The following STPG2 variants were observed in gnomAD, a reference collection of about 807,000 sequenced individuals.
STPG2 encodes the protein sperm-tail PG-rich repeat-containing protein 2.
In STPG2, 56 loss-of-function variants were observed where a neutral mutation model predicts 54.2. The observed-to-expected ratio is 1.03, with a 90% confidence interval of 0.83 to 1.29. The LOEUF is 1.29. Ranked by LOEUF, STPG2 falls within the 50% of genes most tolerant of loss-of-function variation. The pLI, the probability that STPG2 is intolerant of heterozygous loss-of-function variation, is 0.00. For synonymous variants in STPG2, 200 were observed against 181.8 expected (o/e 1.10, Z -0.81); for missense variants, 596 against 544.9 (o/e 1.09, Z -0.93).
chr4:98,022,928 T>G (rs984214594), intron 5 of STPG2, among the ~76,000 whole-genome samples: 2 of 152,152 alleles, frequency 1.3e-5, no homozygotes, highest in African/African-American at 4.8e-5. Flanking sequence ...TCTAATTTTT[T>G]TCCAAGTTTT....
intron 8 of STPG2, among the ~76,000 whole-genome samples, chr4:97,908,468 G>C (rs1311805760): frequency 6.7e-6 from 1 of 150,140 alleles, no homozygotes; most frequent in Non-Finnish European, 1.5e-5. Context: ...GATTCCTCAG[G>C]GATCTAGAAC....
chr4:97,934,148 A>G (rs183215629), intron 8 of STPG2, among the ~76,000 whole-genome samples: 1 of 152,190 alleles, frequency 6.6e-6, no homozygotes, highest in East Asian at 1.9e-4. Flanking sequence ...ATTACTCATG[A>G]TTTGGCTCTG....
rs111802182 is a variant in STPG2 at position 97,855,673 on chromosome 4, G to A, written c.1045-14741C>T. On this transcript the variant is annotated intron_variant, in intron 8 of 10. Coordinates refer to ENST00000295268, the MANE Select transcript of STPG2 (RefSeq NM_174952.3). Reference sequence around the variant, plus strand: ...GTGCAGAAGCTCTTTAGTTCAATTCGATCTCATTTGTCAGTTTTGGCTTTT... The same window carrying A: ...GTGCAGAAGCTCTTTAGTTCAATTCAATCTCATTTGTCAGTTTTGGCTTTT... Among the ~76,000 whole-genome samples, 879 of 152,134 alleles carry A rather than the reference G, an allele frequency of 5.8e-3. 6 individuals carry two copies. The highest frequency in any genetic ancestry group is 0.02 in the Middle Eastern group (6 of 294).
At position 97,969,888 on chromosome 4, in the gene STPG2, G is replaced by A. The variant is rs531408861; in HGVS notation, c.933+2392C>T. 1.2e-4 allele frequency among the ~76,000 whole-genome samples: 18 copies of A among 152,284 alleles called. No homozygotes were observed. In the South Asian group the frequency reaches 1.9e-3, roughly 16 times the overall value. On this transcript the variant is annotated intron_variant, in intron 7 of 10. Coordinates refer to ENST00000295268, the MANE Select transcript of STPG2 (RefSeq NM_174952.3). ...AGTCAAATTGCCCCTGTTTGCAGATGACATGCTTGTATATTTAGAAAACTC... is the reference window on the plus strand; with the variant it reads ...AGTCAAATTGCCCCTGTTTGCAGATAACATGCTTGTATATTTAGAAAACTC...
chr4:98,032,718 A>G (rs1736636640), intron 5 of STPG2, among the ~76,000 whole-genome samples: 1 of 152,220 alleles, frequency 6.6e-6, no homozygotes, highest in Admixed American at 6.5e-5. Flanking sequence ...GCAAATGCAA[A>G]AGAACGGAAA....
intron 1 of STPG2, among the ~76,000 whole-genome samples, chr4:98,135,900 A>G (rs566628621): frequency 6.6e-6 from 1 of 151,932 alleles, no homozygotes; most frequent in East Asian, 1.9e-4. Context: ...ATACATATAT[A>G]AATACACACA....
intron 4 of STPG2, among the ~76,000 whole-genome samples, chr4:97,453,494 G>A (rs575174840): frequency 7.9e-5 from 12 of 152,306 alleles, no homozygotes; most frequent in Non-Finnish European, 1.3e-4. Context: ...AGGCACCACC[G>A]GCCAGAGGTT....
At chr4:97,504,191 T>C (rs996563194) in intron 4 of STPG2, among the ~76,000 whole-genome samples, 27 of 146,720 alleles carry the variant, frequency 1.8e-4, no homozygotes, top group African/African-American at 6.4e-4. Context: ...TTTATTTTTA[T>C]TTAAATATTT....
intron 10 of STPG2, among the ~76,000 whole-genome samples, chr4:97,562,455 C>G (rs1732280709): frequency 6.6e-6 from 1 of 152,262 alleles, no homozygotes; most frequent in South Asian, 2.1e-4. Flanking sequence ...CCTAATTGCC[C>G]TGGCCAGAAC....
At chr4:97,881,115 C>T (rs1344320407) in intron 8 of STPG2, among the ~76,000 whole-genome samples, 2 of 151,666 alleles carry the variant, frequency 1.3e-5, no homozygotes, top group Non-Finnish European at 2.9e-5. Flanking sequence ...GGATCTAGTC[C>T]CCTGGATCTG....
At chr4:97,840,605 T>C (rs113079266) in intron 9 of STPG2, among the ~76,000 whole-genome samples, 168 bp downstream of exon 9, 1,890 of 151,706 alleles carry the variant, frequency 0.012, 35 homozygotes, top group African/African-American at 0.043. Context: ...AATAATGTTG[T>C]TTAGTTCAAT....
intron 9 of STPG2, among the ~76,000 whole-genome samples, chr4:97,740,350 G>T (rs1190770597): frequency 6.6e-6 from 1 of 152,136 alleles, no homozygotes; most frequent in Admixed American, 6.6e-5. Context: ...CATAGTGTTG[G>T]AAGTTCTGGC....
At chr4:97,790,530 G>T (rs951738858) in intron 9 of STPG2, among the ~76,000 whole-genome samples, 1 of 152,092 alleles carries the variant, frequency 6.6e-6, no homozygotes, top group Non-Finnish European at 1.5e-5. Flanking sequence ...CCAGGATTGA[G>T]TTCCATGAAG....
At chr4:97,729,487 A>C (rs182299605) in intron 9 of STPG2, among the ~76,000 whole-genome samples, 3 of 152,272 alleles carry the variant, frequency 2.0e-5, no homozygotes, top group Admixed American at 1.3e-4. Context: ...TAATTTTGTC[A>C]ACGGTTATCA....
At chr4:97,847,119 T>C (rs181783037) in intron 8 of STPG2, among the ~76,000 whole-genome samples, 1 of 152,286 alleles carries the variant, frequency 6.6e-6, no homozygotes, top group Admixed American at 6.5e-5. Flanking sequence ...AGGCTATAAA[T>C]ATAGTTATGT....
At chr4:97,906,860 C>T (rs1312187776) in intron 8 of STPG2, among the ~76,000 whole-genome samples, 5 of 152,068 alleles carry the variant, frequency 3.3e-5, no homozygotes, top group South Asian at 4.1e-4. Context: ...ATTGATGGGA[C>T]GTATCTCAAA....
At chr4:97,628,720 A>T (rs1721135201) in intron 10 of STPG2, among the ~76,000 whole-genome samples, 1 of 152,126 alleles carries the variant, frequency 6.6e-6, no homozygotes, top group Admixed American at 6.6e-5. Flanking sequence ...TTTTAATGGC[A>T]TGACTGCAAA....
At chr4:97,635,986 T>C (rs372986943) in intron 10 of STPG2, among the ~76,000 whole-genome samples, 35 of 151,666 alleles carry the variant, frequency 2.3e-4, no homozygotes, top group Non-Finnish European at 4.3e-4. Context: ...CTGCACCAAG[T>C]GGACCTAATA....
intron 8 of STPG2, among the ~76,000 whole-genome samples, chr4:97,864,828 A>G (rs993464947): frequency 6.6e-6 from 1 of 152,154 alleles, no homozygotes; most frequent in Admixed American, 6.6e-5. Context: ...CCTGACACAA[A>G]CAAGAAATAG....
Sources: gnomAD v4.1 joint callset for allele counts (sites outside exome capture counted in the v4.1 genomes callset) on GRCh38, gnomAD v4.1.1 for gene constraint, MANE v1.5 for transcripts, NCBI Gene and HGNC (gene_info 2026-07-23, HGNC 2026-07-21) for gene names.